Variants in DPP6 observed in about 807,000 individuals in gnomAD.
The protein encoded by DPP6 is dipeptidyl peptidase like 6.
In DPP6, 69 loss-of-function variants were observed where a neutral mutation model predicts 122.6. The ratio of observed to expected loss-of-function variants is 0.56; its 90% CI spans 0.46 to 0.69. DPP6 has a LOEUF of 0.69. Ranked by LOEUF, DPP6 falls within the 30% of genes least tolerant of loss-of-function variation. The probability of loss-of-function intolerance (pLI) is 0.00; values close to 1 mark genes in which losing one functional copy is unlikely to be tolerated. For synonymous variants in DPP6, 418 were observed against 433.1 expected, an observed-to-expected ratio of 0.97 and a Z score of 0.43; for missense variants, 928 against 1,116.9, an observed-to-expected ratio of 0.83 and a Z score of 2.41.
chr7:153,829,365 GCCA>G, the DPP6 span, among the ~76,000 whole-genome samples: 1 of 152,096 alleles, frequency 6.6e-6, no homozygotes, highest in African/African-American at 2.4e-5. Context: ...ACAGGTGCAT[GCCA>G]CCATGCCTGG....
At chr7:154,449,336 T>C (rs1052549798) in intron 2 of DPP6, among the ~76,000 whole-genome samples, 1 of 152,130 alleles carries the variant, frequency 6.6e-6, no homozygotes, top group African/African-American at 2.4e-5. Context: ...CTCAACATCA[T>C]TCAGCCTCAG....
chr7:154,324,485 C>T (rs1301336243), intron 1 of DPP6, among the ~76,000 whole-genome samples: 1 of 152,184 alleles, frequency 6.6e-6, no homozygotes, highest in Non-Finnish European at 1.5e-5. Context: ...ACTTCTTCCT[C>T]TTACCACGGG....
intron 5 of DPP6, among the ~76,000 whole-genome samples, chr7:154,615,065 T>C (rs1218374004): frequency 1.3e-5 from 2 of 152,182 alleles, no homozygotes; most frequent in Non-Finnish European, 2.9e-5. Flanking sequence ...GTGTGTTTTC[T>C]GGGGCTGTTT....
chr7:154,127,620 C>CACACACACAG (rs1485741664), intron 1 of DPP6, among the ~76,000 whole-genome samples: 30 of 119,482 alleles, frequency 2.5e-4, no homozygotes, highest in African/African-American at 1.1e-3. Context: ...CACACACACA[C>CACACACACAG]ACACACACAC....
intron 16 of DPP6, among the ~76,000 whole-genome samples, chr7:154,815,353 C>G (rs2150484512): frequency 6.6e-6 from 1 of 152,350 alleles, no homozygotes; most frequent in African/African-American, 2.4e-5. Context: ...GGCATACAGC[C>G]ATAACAAGTT....
intron 6 of DPP6, among the ~76,000 whole-genome samples, chr7:154,640,272 T>C (rs1187416074): frequency 1.8e-5 from 2 of 109,112 alleles, no homozygotes; most frequent in Admixed American, 8.8e-5. Context: ...AAAACAACAA[T>C]TGGGATTAAT....
chr7:154,076,545 A>G (rs1170865909), intron 1 of DPP6, among the ~76,000 whole-genome samples: 3 of 151,096 alleles, frequency 2.0e-5, no homozygotes, highest in Non-Finnish European at 4.4e-5. Context: ...GAAGAACCTT[A>G]GAATAAAGCC....
At chr7:154,697,358 C>T (rs1840278604) in intron 7 of DPP6, among the ~76,000 whole-genome samples, 1 of 152,226 alleles carries the variant, frequency 6.6e-6, no homozygotes, top group Non-Finnish European at 1.5e-5. Flanking sequence ...CTGCGAGGCT[C>T]CTCTCAGGCC....
At chr7:154,707,362 C>T (rs1840891576) in intron 7 of DPP6, among the ~76,000 whole-genome samples, 1 of 152,140 alleles carries the variant, frequency 6.6e-6, no homozygotes, top group African/African-American at 2.4e-5. Context: ...AAATGCAGAG[C>T]AGTTAAATGA....
intron 3 of DPP6, among the ~76,000 whole-genome samples, chr7:154,521,609 A>C (rs912144330): frequency 6.6e-6 from 1 of 152,262 alleles, no homozygotes; most frequent in Non-Finnish European, 1.5e-5. Context: ...ATTAAAAATT[A>C]AGTGAAATTG....
intron 7 of DPP6, among the ~76,000 whole-genome samples, chr7:154,679,328 A>G (rs1158970975): frequency 6.6e-6 from 1 of 152,202 alleles, no homozygotes; most frequent in Non-Finnish European, 1.5e-5. Context: ...GGTGACAGCA[A>G]TTCCCCTACG....
the DPP6 span, among the ~76,000 whole-genome samples, chr7:153,781,884 A>T: frequency 3.3e-5 from 5 of 151,790 alleles, no homozygotes; most frequent in East Asian, 7.7e-4. Flanking sequence ...TTACTGTTTT[A>T]AATCAAGTCA....
intron 1 of DPP6, among the ~76,000 whole-genome samples, chr7:154,379,307 A>G (rs915723209): frequency 1.3e-5 from 2 of 152,038 alleles, no homozygotes; most frequent in Non-Finnish European, 2.9e-5. Context: ...AAATTGATCA[A>G]TGGGATCACT....
chr7:154,479,574 A>AG (rs61463874), intron 3 of DPP6, among the ~76,000 whole-genome samples: 1 of 106,232 alleles, frequency 9.4e-6, no homozygotes, highest in Admixed American at 1.0e-4. Context: ...AAAAAAAAAA[A>AG]GAAAAGAAAA....
intron 1 of DPP6, among the ~76,000 whole-genome samples, chr7:153,948,393 T>C (rs2129019854): frequency 6.6e-6 from 1 of 152,154 alleles, no homozygotes; most frequent in African/African-American, 2.4e-5. Context: ...CAATGGTACA[T>C]GATGATGCAT....
the DPP6 span, among the ~76,000 whole-genome samples, chr7:153,869,000 C>T: frequency 1.1e-4 from 16 of 152,274 alleles, no homozygotes; most frequent in Admixed American, 9.2e-4. Flanking sequence ...AGTTTGATTG[C>T]ACTGTGGTCT....
At chr7:154,182,164 T>C (rs558182563) in intron 1 of DPP6, among the ~76,000 whole-genome samples, 1 of 152,252 alleles carries the variant, frequency 6.6e-6, no homozygotes, top group South Asian at 2.1e-4. Flanking sequence ...ACTTCTCACT[T>C]AGGAAATTGC....
chr7:154,023,407 C>G (rs1460212451), intron 1 of DPP6, among the ~76,000 whole-genome samples: 1 of 151,016 alleles, frequency 6.6e-6, no homozygotes, highest in East Asian at 2.0e-4. Flanking sequence ...GCATGTTGCT[C>G]TATAACAATC....
At chr7:154,710,818 T>G (rs1841131411) in intron 7 of DPP6, among the ~76,000 whole-genome samples, 2 of 152,260 alleles carry the variant, frequency 1.3e-5, no homozygotes, top group Admixed American at 1.3e-4. Flanking sequence ...CAGTCTCCAG[T>G]GAAGACTCTC....
Sources: allele counts gnomAD v4.1 joint callset (sites outside exome capture counted in the v4.1 genomes callset), GRCh38; gene constraint gnomAD v4.1.1; transcripts MANE v1.5; gene names NCBI Gene and HGNC (gene_info 2026-07-23, HGNC 2026-07-21).